ERCC6: variants seen among roughly 807,000 people sequenced by gnomAD.
ERCC6 encodes ERCC excision repair 6, chromatin remodeling factor.
ERCC6 carries 116 observed loss-of-function variants against 158.7 expected under a neutral mutation model. The ratio of observed to expected loss-of-function variants is 0.73; its 90% CI spans 0.63 to 0.85. The LOEUF (loss-of-function observed/expected upper bound fraction) is 0.85. Among genes scored for constraint, ERCC6 ranks in the 40% least tolerant of loss-of-function variants. The probability of loss-of-function intolerance (pLI) is 0.00; values close to 1 mark genes in which losing one functional copy is unlikely to be tolerated. For missense variants in ERCC6, 1,698 were observed against 1,799.4 expected, an observed-to-expected ratio of 0.94 and a Z score of 1.02; for synonymous variants, 678 against 659.3, an observed-to-expected ratio of 1.03 and a Z score of -0.43.
chr10:49,532,602 G>A lies in ERCC6; in HGVS notation c.363C>T (p.Ser121=), dbSNP rs754531332. 6.2e-7 allele frequency: 1 copy of A among 1,614,200 alleles called. No individual in the cohort carries two copies. Among genetic ancestry groups the A allele is most frequent in the South Asian group, 1.1e-5 (1 of 91,082 alleles). Reference sequence around the variant, plus strand: ...CCACGTCAACGAGCTGGGAGGCACGGCTGGCCTCATGGATGGCATTGTCCA... The same window carrying A: ...CCACGTCAACGAGCTGGGAGGCACGACTGGCCTCATGGATGGCATTGTCCA... ...QQVDNAIHEA[S]RASQLVDVEK... is the part of the protein sequence containing the mutation. Residue 121 remains serine (S), a synonymous_variant, in exon 2 of 21, where the codon AGC becomes AGT. Coordinates refer to ENST00000355832, the MANE Select transcript of ERCC6 (RefSeq NM_000124.4).
intron 16 of ERCC6, among the ~76,000 whole-genome samples, chr10:49,471,763 C>T (rs1468171065): frequency 6.6e-6 from 1 of 152,158 alleles, no homozygotes; most frequent in Admixed American, 6.5e-5. Flanking sequence ...CAGGAATGGC[C>T]CAGCATGTGG....
intron 8 of ERCC6, among the ~76,000 whole-genome samples, chr10:49,491,184 G>A (rs1467839267): frequency 1.3e-5 from 2 of 152,154 alleles, no homozygotes; most frequent in Non-Finnish European, 2.9e-5. Flanking sequence ...TTTCCAATGT[G>A]TCGTCACCAC....
At chr10:49,475,241 T>C (rs925174801) in intron 12 of ERCC6, 6 of 305,612 alleles carry the variant, frequency 2.0e-5, no homozygotes, top group African/African-American at 1.1e-4. Context: ...GAGTAAAATA[T>C]CTTTTTAATC....
intron 4 of ERCC6, among the ~76,000 whole-genome samples, chr10:49,526,726 T>C (rs181693725): frequency 6.6e-6 from 1 of 152,334 alleles, no homozygotes; most frequent in Admixed American, 6.5e-5. Context: ...TTTCAACTAA[T>C]GAAAGAGGGA....
intron 18 of ERCC6, among the ~76,000 whole-genome samples, chr10:49,469,334 C>T (rs1022358989): frequency 6.6e-6 from 1 of 151,958 alleles, no homozygotes; most frequent in Non-Finnish European, 1.5e-5. Context: ...CTGATAGATG[C>T]ACTGAGTAAG....
At chr10:49,534,699 T>C (rs1465370401) in intron 1 of ERCC6, among the ~76,000 whole-genome samples, 1 of 152,188 alleles carries the variant, frequency 6.6e-6, no homozygotes, top group Admixed American at 6.5e-5. Context: ...TATACAACTA[T>C]CACATCTAAT....
At chr10:49,437,701 C>G in the ERCC6 span, among the ~76,000 whole-genome samples, 1 of 151,994 alleles carries the variant, frequency 6.6e-6, no homozygotes, top group African/African-American at 2.4e-5. Flanking sequence ...GTTCTGAGCA[C>G]CTGAGGTCTG....
At chr10:49,525,699 A>C (rs1164892391) in intron 4 of ERCC6, among the ~76,000 whole-genome samples, 1 of 152,186 alleles carries the variant, frequency 6.6e-6, no homozygotes, top group African/African-American at 2.4e-5. Context: ...AAAGTGCACA[A>C]ATCATTAAGT....
chr10:49,497,663 C>T (rs958943490), intron 7 of ERCC6, among the ~76,000 whole-genome samples: 7 of 152,156 alleles, frequency 4.6e-5, no homozygotes, highest in Non-Finnish European at 1.0e-4. Flanking sequence ...ACAGTCACAT[C>T]GTCAACTGAA....
At chr10:49,484,998 A>T (rs921487681) in intron 8 of ERCC6, among the ~76,000 whole-genome samples, 10 of 152,264 alleles carry the variant, frequency 6.6e-5, no homozygotes, top group Non-Finnish European at 8.8e-5. Context: ...CCAGCTTCAG[A>T]TAGGCAAGGA....
chr10:49,521,476 GC>G, intron 5 of ERCC6, among the ~76,000 whole-genome samples: 1 of 152,190 alleles, frequency 6.6e-6, no homozygotes, highest in East Asian at 1.9e-4. Flanking sequence ...TTTTAAGAAA[GC>G]ACTAGACCTC....
rs1332240327 is a variant in ERCC6 at position 49,460,428 on chromosome 10, T to C, written c.4007A>G (p.Asn1336Ser). 8.7e-6 allele frequency: 14 copies of C among 1,613,386 alleles called. No individual in the cohort carries two copies. The highest frequency in any genetic ancestry group is 1.1e-5 in the Non-Finnish European group (13 of 1,179,302). Reference sequence around the variant, plus strand: ...AGGATGCTGCACAGAGAAGTTAGAATTCCTTTTCTTACCAAATCTACTCCT... The same window carrying C: ...AGGATGCTGCACAGAGAAGTTAGAACTCCTTTTCTTACCAAATCTACTCCT... ...GKKSRFGKKR[N>S]SNFSVQHPSS... is the part of the protein sequence containing the mutation. The change falls in exon 20 of 21, where the codon AAT becomes AGT. Residue 1336 changes from asparagine (N) to serine (S), a missense_variant. Coordinates refer to ENST00000355832, the MANE Select transcript of ERCC6 (RefSeq NM_000124.4).
intron 1 of ERCC6, among the ~76,000 whole-genome samples, chr10:49,538,538 A>G (rs1179163961): frequency 1.3e-5 from 2 of 152,220 alleles, no homozygotes; most frequent in African/African-American, 4.8e-5. Flanking sequence ...AGCAGCATTT[A>G]CAGGCGGCCT....
In ERCC6 at chr10:49,506,320, G is replaced by A. The variant is rs4253100; in HGVS notation, c.1398-308C>T. On this transcript the variant is annotated intron_variant, in intron 5 of 20. Transcript: ENST00000355832. ...TAAGGGAAAATTTCTCTGCTGGTTC[G>A]TAAGACATGAAATTAGTCCTAGAAA... 1.8e-3 allele frequency: 676 copies of A among 376,796 alleles called. 7 individuals are homozygous for A. The highest frequency in any genetic ancestry group is 0.013 in the African/African-American group (630 of 48,116). The allele number at this position is 376,796 out of a possible 1,614,324, so 23.3% of individuals were successfully genotyped here.
intron 5 of ERCC6, among the ~76,000 whole-genome samples, chr10:49,510,883 A>T (rs1302670603): frequency 6.6e-6 from 1 of 152,234 alleles, no homozygotes; most frequent in Non-Finnish European, 1.5e-5. Context: ...CCTTCTACCC[A>T]TATGACTTTA....
the ERCC6 span, among the ~76,000 whole-genome samples, chr10:49,440,513 G>C: frequency 6.6e-6 from 1 of 152,186 alleles, no homozygotes; most frequent in African/African-American, 2.4e-5. Flanking sequence ...AGTTACCTCT[G>C]CAGAGAGAGG....
intron 1 of ERCC6, among the ~76,000 whole-genome samples, chr10:49,537,606 G>T (rs1837632434): frequency 6.6e-6 from 1 of 152,086 alleles, no homozygotes; most frequent in Non-Finnish European, 1.5e-5. Context: ...AAACCAAATT[G>T]AAATTGTGGA....
rs769439823 is a variant in ERCC6, at chr10:49,503,321, A to G, written c.1526+2563T>C. 8 of 152,186 alleles carry G rather than the reference A, an allele frequency of 5.3e-5. No homozygotes were observed. The South Asian group carries it at 6.2e-4, about 12-fold the overall frequency. 9.4% of individuals were successfully genotyped at this position (152,186 alleles called of 1,614,324 possible). A position where few individuals can be genotyped will look rare whatever the true frequency, so the allele number is the denominator to read the frequency against. On this transcript the variant is annotated intron_variant, in intron 6 of 20. Coordinates refer to ENST00000355832, the MANE Select transcript of ERCC6 (RefSeq NM_000124.4). Reference sequence around the variant, plus strand: ...ATGTGCTGGGTGTTTCCTCATCTACAAATCTAATCTTCGACGGCTTTCAAA... The same window carrying G: ...ATGTGCTGGGTGTTTCCTCATCTACGAATCTAATCTTCGACGGCTTTCAAA...
chr10:49,500,190 T>C (rs998604116), intron 7 of ERCC6, among the ~76,000 whole-genome samples: 6 of 152,190 alleles, frequency 3.9e-5, no homozygotes, highest in African/African-American at 7.2e-5. Flanking sequence ...TAATTTAAAA[T>C]TCCATATTGT....
Sources: allele counts gnomAD v4.1 joint callset (sites outside exome capture counted in the v4.1 genomes callset), GRCh38; gene constraint gnomAD v4.1.1; transcripts MANE v1.5; gene names NCBI Gene and HGNC (gene_info 2026-07-23, HGNC 2026-07-21).